EEF1AKMT3: variants seen among roughly 807,000 people sequenced by gnomAD.
EEF1AKMT3 encodes EEF1A lysine methyltransferase 3.
EEF1AKMT3 carries 17 observed loss-of-function variants against 17.8 expected under a neutral mutation model. The ratio of observed to expected loss-of-function variants is 0.96; its 90% CI spans 0.65 to 1.43. EEF1AKMT3 has a LOEUF of 1.43. Among genes scored for constraint, EEF1AKMT3 ranks in the 40% most tolerant of loss-of-function variants. The probability of loss-of-function intolerance (pLI) is 0.00; values close to 1 mark genes in which losing one functional copy is unlikely to be tolerated. For synonymous variants in EEF1AKMT3, 116 were observed against 126.5 expected (o/e 0.92, Z 0.56); for missense variants, 244 against 285.8 (o/e 0.85, Z 1.06).
intron 2 of EEF1AKMT3, among the ~76,000 whole-genome samples, chr12:57,774,253 G>T (rs1039944954): frequency 6.6e-6 from 1 of 152,200 alleles, no homozygotes; most frequent in African/African-American, 2.4e-5. Context: ...GGCCAAGGTG[G>T]GTGGATCACC....
chr12:57,780,300 T>A lies in EEF1AKMT3; in HGVS notation c.335T>A (p.Ile112Asn). 1 of 1,614,066 alleles carries A rather than the reference T, an allele frequency of 6.2e-7. No individual in the cohort carries two copies. Among genetic ancestry groups the A allele is most frequent in the Non-Finnish European group, 8.5e-7 (1 of 1,180,008 alleles). Residue 112 changes from isoleucine (I) to asparagine (N), a missense_variant, in exon 3 of 3, where the codon ATC (isoleucine) becomes AAC (asparagine). Transcript: ENST00000300209. ...GACCTGCCCCTGGCCCTAGAACAGA[T>A]CCAGGGCAACGTCCAGGCCAATGTG... is the stretch of plus-strand genomic sequence containing the variant. Reference protein sequence around the residue: ...ITDLPLALEQIQGNVQANVPA... With the variant: ...ITDLPLALEQNQGNVQANVPA...
intron 2 of EEF1AKMT3, among the ~76,000 whole-genome samples, chr12:57,775,284 T>G (rs1350338963): frequency 1.3e-5 from 2 of 152,052 alleles, no homozygotes; most frequent in East Asian, 3.9e-4. Flanking sequence ...TGCCTCCTAT[T>G]TAGCTGTCAA....
Position 57,772,926 on chromosome 12 carries a change from A to C in EEF1AKMT3, c.177+25A>C. ...GGTGAGGAATGGGCTGCGCCGGGTG[A>C]GGGTCCGTGGGAGGTCCAGATCCCG... On this transcript the variant is annotated intron_variant, in intron 1 of 2. Transcript: ENST00000300209. This position sits in a 1 kb window ranked among gnomAD's most constrained non-coding sequence, Gnocchi z 4.1. The C allele has an allele frequency of 1.2e-6, 2 of 1,613,248 alleles. No homozygotes were observed. The highest frequency in any genetic ancestry group is 2.7e-5 in the African/African-American group (2 of 75,050).
Position 57,775,809 on chromosome 12 carries a change from C to T in EEF1AKMT3, c.289+2681C>T, listed in dbSNP as rs147377107. On this transcript the variant is annotated intron_variant, in intron 2 of 2. Transcript: ENST00000300209. ...ATTTCTCCCTCAGACTTCCCTATCTCAGTGAATCAAATCACTGTGCACCCA... is the reference window on the plus strand; with the variant it reads ...ATTTCTCCCTCAGACTTCCCTATCTTAGTGAATCAAATCACTGTGCACCCA... Among the ~76,000 whole-genome samples the T allele has an allele frequency of 3.4e-3, 523 of 152,320 alleles. 2 individuals carry two copies. The highest frequency in any genetic ancestry group is 0.012 in the African/African-American group (501 of 41,570).
intron 2 of EEF1AKMT3, among the ~76,000 whole-genome samples, chr12:57,774,118 T>A (rs768710569): frequency 9.2e-5 from 14 of 152,254 alleles, no homozygotes; most frequent in Non-Finnish European, 2.1e-4. Flanking sequence ...TTAAAAATTC[T>A]TACAATGTCA....
chr12:57,778,425 C>T (rs562911223), intron 2 of EEF1AKMT3, among the ~76,000 whole-genome samples: 8 of 151,390 alleles, frequency 5.3e-5, no homozygotes, highest in South Asian at 4.2e-4. Context: ...CTCAGCCTCC[C>T]GAGTAGCTGG....
At chr12:57,774,508 G>A in intron 2 of EEF1AKMT3, 1 of 590,608 alleles carries the variant, frequency 1.7e-6, no homozygotes, top group Non-Finnish European at 3.1e-6. Context: ...AATCTTCCCA[G>A]AGGCAGGCAT....
intron 2 of EEF1AKMT3, 46 bp from the exon 3 acceptor site, chr12:57,780,209 T>C (rs1565817926): frequency 6.2e-7 from 1 of 1,600,498 alleles, no homozygotes; most frequent in Admixed American, 1.8e-5. Context: ...CAAGAACCCT[T>C]GGTTGGTTCC....
chr12:57,774,608 G>T (rs1955467668), intron 2 of EEF1AKMT3: 1 of 1,113,646 alleles, frequency 9.0e-7, no homozygotes, highest in East Asian at 2.5e-5. Context: ...CAATAAATAA[G>T]ACAGATTTTC....
intron 2 of EEF1AKMT3, among the ~76,000 whole-genome samples, chr12:57,779,154 T>A (rs767081252): frequency 6.6e-6 from 1 of 152,198 alleles, no homozygotes; most frequent in Non-Finnish European, 1.5e-5. Context: ...GACTTTGTCC[T>A]CTATGCCCTG....
rs768419151 is a variant in EEF1AKMT3, at chr12:57,772,934, T to TG, written c.177+36dup. On this transcript the variant is annotated intron_variant, in intron 1 of 2. Transcript: ENST00000300209. This position sits in a 1 kb window ranked among gnomAD's most constrained non-coding sequence, Gnocchi z 4.1. ...ATGGGCTGCGCCGGGTGAGGGTCCG[T>TG]GGGAGGTCCAGATCCCGGACTCCGC... The TG allele has an allele frequency of 3.1e-6, 5 of 1,613,210 alleles. No homozygotes were observed. In the African/African-American group the frequency reaches 4.0e-5, roughly 13 times the overall value.
At chr12:57,775,281 T>A (rs1955473485) in intron 2 of EEF1AKMT3, among the ~76,000 whole-genome samples, 1 of 152,074 alleles carries the variant, frequency 6.6e-6, no homozygotes, top group African/African-American at 2.4e-5. Context: ...CTTTGCCTCC[T>A]ATTTAGCTGT....
chr12:57,775,943 C>G (rs1350086635), intron 2 of EEF1AKMT3, among the ~76,000 whole-genome samples: 6 of 152,200 alleles, frequency 3.9e-5, no homozygotes, highest in African/African-American at 1.4e-4. Flanking sequence ...TTTTCCATCT[C>G]CATTGACAGC....
Position 57,780,349 on chromosome 12 carries a change from G to A in EEF1AKMT3, c.384G>A (p.Val128=), listed in dbSNP as rs1955504866. 1 of 1,614,198 alleles carries A rather than the reference G, an allele frequency of 6.2e-7. No homozygotes were observed. Among genetic ancestry groups the A allele is most frequent in the Non-Finnish European group, 8.5e-7 (1 of 1,180,022 alleles). ...TGCCAGCTGGAGGCCAGGCCCAGGTGCGTGCCTTGTCCTGGGGGATTGACC... is the reference window on the plus strand; with the variant it reads ...TGCCAGCTGGAGGCCAGGCCCAGGTACGTGCCTTGTCCTGGGGGATTGACC... ...ANVPAGGQAQ[V]RALSWGIDHH... is the part of the protein sequence containing the mutation. The change falls in exon 3 of 3, where the codon GTG becomes GTA. Residue 128 remains valine (V), a synonymous_variant. Coordinates refer to ENST00000300209, the MANE Select transcript of EEF1AKMT3 (RefSeq NM_015433.3).
At position 57,780,345 on chromosome 12, in the gene EEF1AKMT3, A is replaced by T; in HGVS notation, c.380A>T (p.Gln127Leu). 1 of 1,614,208 alleles carries T rather than the reference A, an allele frequency of 6.2e-7. No homozygotes were observed. The highest frequency in any genetic ancestry group is 1.1e-5 in the South Asian group (1 of 91,088). The change falls in exon 3 of 3, where the codon CAG becomes CTG. Residue 127 changes from glutamine (Q) to leucine (L), a missense_variant. By Grantham distance (113) the Gln-to-Leu change is moderately radical. Transcript: ENST00000300209. Reference sequence around the variant, plus strand: ...AATGTGCCAGCTGGAGGCCAGGCCCAGGTGCGTGCCTTGTCCTGGGGGATT... The same window carrying T: ...AATGTGCCAGCTGGAGGCCAGGCCCTGGTGCGTGCCTTGTCCTGGGGGATT... The part of the protein sequence containing the change: ...QANVPAGGQA[Q>L]VRALSWGIDH...
Position 57,780,704 on chromosome 12 carries a change from A to G in EEF1AKMT3, c.*58A>G. On this transcript the variant is annotated 3_prime_UTR_variant, in exon 3 of 3. Transcript: ENST00000300209. The stretch of plus-strand genomic sequence containing the variant: ...TCTAATGAAGGAACTGTGTATCTCA[A>G]AAACCATATTTCCAGAGCCACAAAC... 2.5e-6 allele frequency: 4 copies of G among 1,581,442 alleles called. No individual in the cohort carries two copies. Among genetic ancestry groups the G allele is most frequent in the Non-Finnish European group, 3.4e-6 (4 of 1,172,634 alleles).
chr12:57,780,495 A>T lies in EEF1AKMT3; in HGVS notation c.530A>T (p.Tyr177Phe). ...CTGTGCAGGCCCCATGGCACCATCT[A>T]TCTGGCCTCCAAGATGAGAAAGGAG... is the stretch of plus-strand genomic sequence containing the variant. ...QHLCRPHGTI[Y>F]LASKMRKEHG... Residue 177 changes from tyrosine to phenylalanine, a missense_variant, in exon 3 of 3, where the codon TAT becomes TTT. Transcript: ENST00000300209. The T allele has an allele frequency of 6.2e-7, 1 of 1,614,188 alleles. No homozygotes were observed. Among genetic ancestry groups the T allele is most frequent in the Non-Finnish European group, 8.5e-7 (1 of 1,180,024 alleles).
At position 57,780,696 on chromosome 12, in the gene EEF1AKMT3, G is replaced by A. The variant is rs1387974063; in HGVS notation, c.*50G>A. The A allele has an allele frequency of 6.3e-7, 1 of 1,587,748 alleles. No homozygotes were observed. Among genetic ancestry groups the A allele is most frequent in the East Asian group, 2.2e-5 (1 of 44,814 alleles). ...TCTCTTGCTCTAATGAAGGAACTGT[G>A]TATCTCAAAAACCATATTTCCAGAG... On this transcript the variant is annotated 3_prime_UTR_variant, in exon 3 of 3. Coordinates refer to ENST00000300209, the MANE Select transcript of EEF1AKMT3 (RefSeq NM_015433.3).
intron 2 of EEF1AKMT3, chr12:57,774,563 T>C (rs1955467460): frequency 6.7e-6 from 5 of 744,740 alleles, no homozygotes; most frequent in Admixed American, 2.1e-5. Context: ...AAGTCCCCTA[T>C]GTACCAAGAA....
Sources: gnomAD v4.1 joint callset for allele counts (sites outside exome capture counted in the v4.1 genomes callset) on GRCh38, gnomAD v4.1.1 for gene constraint, Gnocchi (gnomAD v3.1) non-coding constraint, MANE v1.5 for transcripts, NCBI Gene and HGNC (gene_info 2026-07-23, HGNC 2026-07-21) for gene names.